KICS2: variants seen among roughly 807,000 people sequenced by gnomAD.
The protein encoded by KICS2 is KICSTOR complex protein C12orf66.
KICS2 carries 13 observed loss-of-function variants against 31.4 expected under a neutral mutation model. The ratio of observed to expected loss-of-function variants is 0.41; its 90% CI spans 0.27 to 0.66. KICS2 has a LOEUF of 0.66. Ranked by LOEUF, KICS2 falls within the 30% of genes least tolerant of loss-of-function variation. The pLI, the probability that KICS2 is intolerant of heterozygous loss-of-function variation, is 0.28. For missense variants in KICS2, 455 were observed against 545.4 expected (o/e 0.83, Z 1.65); for synonymous variants, 209 against 214.8 (o/e 0.97, Z 0.24).
chr12:64,221,769 AC>A (rs1480687397), intron 1 of KICS2: 2 of 600,872 alleles, frequency 3.3e-6, no homozygotes, highest in African/African-American at 3.7e-5. Context: ...GGTTTGGGTC[AC>A]AGCCCTGCAA....
In KICS2 at chr12:64,211,714, T is replaced by C. The variant is rs1233194028; in HGVS notation, c.521+3964A>G. On this transcript the variant is annotated intron_variant, in intron 2 of 2. Transcript: ENST00000398055. The stretch of plus-strand genomic sequence containing the variant: ...GAAGACTTTCCACTGTGTTACACTT[T>C]ATAAATGTTGACCCATGTGAACATA... Among the ~76,000 whole-genome samples the C allele has an allele frequency of 2.0e-5, 3 of 152,226 alleles. No individual in the cohort carries two copies. The East Asian group carries it at 5.8e-4, about 29-fold the overall frequency.
chr12:64,193,224 A>C lies in KICS2; in HGVS notation c.*618T>G, dbSNP rs2037398367. ...ACCCATGGCTATTAAAGCTGCCATG[A>C]GGATCTTCTGAACTGTTAAAACCTT... On this transcript the variant is annotated 3_prime_UTR_variant, in exon 3 of 3. Coordinates refer to ENST00000398055, the MANE Select transcript of KICS2 (RefSeq NM_152440.5). The C allele has an allele frequency of 1.0e-6, 1 of 985,372 alleles. No individual in the cohort carries two copies. The allele number at this position is 985,372 out of a possible 1,614,324, so 61.0% of individuals were successfully genotyped here. A position where few individuals can be genotyped will look rare whatever the true frequency, so the allele number is the denominator to read the frequency against.
Position 64,193,536 on chromosome 12 carries a change from A to G in KICS2, c.*306T>C, listed in dbSNP as rs1467802756. The G allele has an allele frequency of 2.1e-5, 20 of 973,002 alleles. No homozygotes were observed. In the East Asian group the frequency reaches 2.3e-4, roughly 11 times the overall value. 60.3% of individuals were successfully genotyped at this position (973,002 alleles called of 1,614,324 possible). On this transcript the variant is annotated 3_prime_UTR_variant, in exon 3 of 3. Transcript: ENST00000398055. ...TTAGAACAACAGAAAAACATATGGG[A>G]AAAAAAAAAGCCCAATAAATATTCA...
At chr12:64,195,759 CG>C (rs1293080853) in intron 2 of KICS2, among the ~76,000 whole-genome samples, 6 of 152,354 alleles carry the variant, frequency 3.9e-5, no homozygotes, top group African/African-American at 1.4e-4. Flanking sequence ...GTGCGCGAGC[CG>C]AAGCAGGGCG....
chr12:64,201,939 G>A lies in KICS2; in HGVS notation c.522-7281C>T, dbSNP rs1039164387. On this transcript the variant is annotated intron_variant, in intron 2 of 2. Coordinates refer to ENST00000398055, the MANE Select transcript of KICS2 (RefSeq NM_152440.5). ...TATCTTAGGATAAAACCCCAAATCC[G>A]TAAAAAGGACTAGAAGGCACTGAAT... Among the ~76,000 whole-genome samples the A allele has an allele frequency of 7.2e-5, 11 of 152,304 alleles. No individual in the cohort carries two copies. The East Asian group carries it at 1.5e-3, about 21-fold the overall frequency.
chr12:64,205,880 G>C (rs935072789), intron 2 of KICS2, among the ~76,000 whole-genome samples: 3 of 152,196 alleles, frequency 2.0e-5, no homozygotes, highest in African/African-American at 7.2e-5. Flanking sequence ...CTCCACTTTA[G>C]AAACACTGCC....
intron 2 of KICS2, among the ~76,000 whole-genome samples, 195 bp from the exon 3 acceptor site, chr12:64,194,853 C>T (rs1213847967): frequency 6.6e-6 from 1 of 152,040 alleles, no homozygotes; most frequent in Non-Finnish European, 1.5e-5. Context: ...ATTATGTCAA[C>T]ATCATATTCT....
At chr12:64,211,757 T>TA (rs1250198061) in intron 2 of KICS2, among the ~76,000 whole-genome samples, 2 of 151,868 alleles carry the variant, frequency 1.3e-5, no homozygotes, top group African/African-American at 2.4e-5. Context: ...TCAAACAATT[T>TA]AAAAAAAAGA....
intron 2 of KICS2, among the ~76,000 whole-genome samples, chr12:64,195,355 A>G (rs2037423900): frequency 6.6e-6 from 1 of 152,240 alleles, no homozygotes; most frequent in Non-Finnish European, 1.5e-5. Context: ...TCACTAAAAC[A>G]TCTGTTGAAT....
rs775617471 is a variant in KICS2, at chr12:64,192,680, G to C, written c.*1162C>G. ...CTTTTTATTTTGAATCAATAATCTAGAAGTGAAGGTCTCCACAGCCCATTA... is the reference window on the plus strand; with the variant it reads ...CTTTTTATTTTGAATCAATAATCTACAAGTGAAGGTCTCCACAGCCCATTA... On this transcript the variant is annotated 3_prime_UTR_variant, in exon 3 of 3. Coordinates refer to ENST00000398055, the MANE Select transcript of KICS2 (RefSeq NM_152440.5). The C allele has an allele frequency of 3.0e-5, 30 of 985,226 alleles. No homozygotes were observed. Among genetic ancestry groups the C allele is most frequent in the Admixed American group, 6.2e-5 (1 of 16,254 alleles). 61.0% of individuals were successfully genotyped at this position (985,226 alleles called of 1,614,324 possible).
In KICS2 at chr12:64,222,019, G is replaced by T; in HGVS notation, c.219C>A (p.Tyr73Ter). 2 of 1,613,694 alleles carry T rather than the reference G, an allele frequency of 1.2e-6. No individual in the cohort carries two copies. Among genetic ancestry groups the T allele is most frequent in the Non-Finnish European group, 1.7e-6 (2 of 1,179,826 alleles). Residue 73 changes from tyrosine (Y) to a stop codon, truncating the protein, a stop_gained, in exon 1 of 3, where the codon TAC becomes TAA. Coordinates refer to ENST00000398055, the MANE Select transcript of KICS2 (RefSeq NM_152440.5). LOFTEE classifies it high-confidence loss of function. The part of the protein sequence containing the change: ...AAEKVYHSLT[Y>*]LGQKLGGQSF... ...CGGAGGTACCTAGTTTCTGCCCCAG[G>T]TAGGTGAGGCTGTGATAGACCTTCT...
downstream of KICS2, among the ~76,000 whole-genome samples, chr12:64,189,196 G>A (rs2136682849): frequency 6.6e-6 from 1 of 152,178 alleles, no homozygotes; most frequent in Admixed American, 6.5e-5. Context: ...AAAAGCAAAA[G>A]AATCAAGGAT....
intron 1 of KICS2, among the ~76,000 whole-genome samples, chr12:64,218,190 C>T (rs2037647747): frequency 6.6e-6 from 1 of 152,218 alleles, no homozygotes; most frequent in Non-Finnish European, 1.5e-5. Context: ...TTCAGTTTAG[C>T]TCTGCTGATT....
At chr12:64,186,341 A>G (rs958568637), downstream of KICS2, 6 of 152,380 alleles carry the variant, frequency 3.9e-5, no homozygotes, top group African/African-American at 1.4e-4. Flanking sequence ...TTAATAAGGT[A>G]ACCAATAAGA....
intron 2 of KICS2, among the ~76,000 whole-genome samples, chr12:64,201,770 G>A (rs1427908326): frequency 6.8e-6 from 1 of 146,284 alleles, no homozygotes; most frequent in Non-Finnish European, 1.5e-5. Flanking sequence ...TTGAACCTGG[G>A]GTGGGGGGGC....
Position 64,222,255 on chromosome 12 carries a change from T to C in KICS2, c.-18A>G, listed in dbSNP as rs766574358. On this transcript the variant is annotated 5_prime_UTR_variant, in exon 1 of 3. Coordinates refer to ENST00000398055, the MANE Select transcript of KICS2 (RefSeq NM_152440.5). The stretch of plus-strand genomic sequence containing the variant: ...TCCCCCATGCGAGCTGCGCCCCAGC[T>C]CGACCCACGTGGCTCTCCTCGGCCT... The C allele has an allele frequency of 1.2e-6, 2 of 1,611,788 alleles. No homozygotes were observed. Among genetic ancestry groups the C allele is most frequent in the South Asian group, 2.2e-5 (2 of 90,724 alleles).
downstream of KICS2, chr12:64,187,578 C>T: frequency 3.3e-6 from 5 of 1,493,406 alleles, no homozygotes; most frequent in South Asian, 3.6e-5. Context: ...TTTCTTCTGA[C>T]TCATTTCCTC....
At chr12:64,203,059 T>C (rs2037505653) in intron 2 of KICS2, among the ~76,000 whole-genome samples, 2 of 152,156 alleles carry the variant, frequency 1.3e-5, no homozygotes, top group South Asian at 2.1e-4. Context: ...AGTTTGACCA[T>C]ACAATTTCTC....
chr12:64,190,341 C>A (rs1454987950), downstream of KICS2, among the ~76,000 whole-genome samples: 1 of 152,146 alleles, frequency 6.6e-6, no homozygotes, highest in Non-Finnish European at 1.5e-5. Flanking sequence ...ATTTTACAGA[C>A]AAGGAAGTTG....
Sources: allele counts gnomAD v4.1 joint callset (sites outside exome capture counted in the v4.1 genomes callset), GRCh38; gene constraint gnomAD v4.1.1; transcripts MANE v1.5; gene names NCBI Gene and HGNC (gene_info 2026-07-23, HGNC 2026-07-21).